SEC13: variants seen among roughly 807,000 people sequenced by gnomAD.
SEC13 encodes protein SEC13 homolog.
In SEC13, 25 loss-of-function variants were observed where a neutral mutation model predicts 49.2. That is an observed-to-expected ratio of 0.51 (90% confidence interval 0.37 to 0.71). The LOEUF (loss-of-function observed/expected upper bound fraction) is 0.71. Among genes scored for constraint, SEC13 ranks in the 30% least tolerant of loss-of-function variants. The probability of loss-of-function intolerance (pLI) is 0.00; values close to 1 mark genes in which losing one functional copy is unlikely to be tolerated. For synonymous variants in SEC13, 148 were observed against 163.9 expected, an observed-to-expected ratio of 0.90 and a Z score of 0.74; for missense variants, 383 against 417.6, an observed-to-expected ratio of 0.92 and a Z score of 0.72.
chr3:10,320,890 T>C (rs1420462587), intron 1 of SEC13, 160 bp downstream of exon 1: 11 of 1,433,642 alleles, frequency 7.7e-6, no homozygotes, highest in Non-Finnish European at 1.0e-5. Flanking sequence ...CCCCTCGGAA[T>C]GGTCCGCAAG....
In SEC13 at chr3:10,301,308, C is replaced by T. The variant is rs923774697; in HGVS notation, c.922G>A (p.Gly308Ser). 2 of 1,614,176 alleles carry T rather than the reference C, an allele frequency of 1.2e-6. No homozygotes were observed. The highest frequency in any genetic ancestry group is 2.2e-5 in the South Asian group (2 of 91,078). The change falls in exon 9 of 9, where the codon GGC (glycine) becomes AGC (serine). Residue 308 changes from glycine (G) to serine (S), a missense_variant. Transcript: ENST00000350697. The part of the protein sequence containing the change: ...VCISDVNKGQ[G>S]SVSASVTEGQ... The stretch of plus-strand genomic sequence containing the variant: ...TCTGTCACTGATGCTGATACGGAGC[C>T]CTGGCCCTTGTTGACATCACTGATG...
At chr3:10,307,802 C>T (rs1700983275) in intron 5 of SEC13, among the ~76,000 whole-genome samples, 1 of 152,168 alleles carries the variant, frequency 6.6e-6, no homozygotes, top group Admixed American at 6.5e-5. Flanking sequence ...CTCCTGAGCT[C>T]AGGTGATCCG....
In SEC13 at chr3:10,305,600, C is replaced by A. The variant is rs1700821960; in HGVS notation, c.543G>T (p.Arg181Ser). The change falls in exon 6 of 9, where the codon AGG becomes AGT. Residue 181 changes from arginine (R) to serine (S), a missense_variant. Coordinates refer to ENST00000350697, the MANE Select transcript of SEC13 (RefSeq NM_183352.3). ...GGTTGTCACAGCCACCTGATGCAAA[C>A]CTCTTGATGTAATTGGGTTTCTGCC... The part of the protein sequence containing the change: ...PSGQKPNYIK[R>S]FASGGCDNLI... 1.9e-6 allele frequency: 3 copies of A among 1,614,020 alleles called. No homozygotes were observed. The highest frequency in any genetic ancestry group is 2.5e-6 in the Non-Finnish European group (3 of 1,180,030).
rs534559322 is a variant in SEC13 at position 10,301,458 on chromosome 3, A to G, written c.856-84T>C. The G allele has an allele frequency of 1.9e-6, 3 of 1,556,190 alleles. No homozygotes were observed. The South Asian group carries it at 3.4e-5, about 18-fold the overall frequency. On this transcript the variant is annotated intron_variant, in intron 8 of 8. Transcript: ENST00000350697. The stretch of plus-strand genomic sequence containing the variant: ...CTAAATATGAGCCTCATCCTCATCA[A>G]GAACCACTGCCCAGAGGCTTGTGGG...
chr3:10,315,549 T>C (rs1701553592), intron 2 of SEC13, 113 bp from the exon 3 acceptor site: 1 of 662,236 alleles, frequency 1.5e-6, no homozygotes. Flanking sequence ...GAAATCAATC[T>C]GATCTCAAAG....
Position 10,305,133 on chromosome 3 carries a change from T to C in SEC13, c.608A>G (p.Lys203Arg). ...LWKEEEDGQW[K>R]EEQKLEAHSD... ...GTGCGCTTCTAGCTTCTGCTCCTCC[T>C]TCCACTGGCCGTCCTCCTCCTCCCT... is the stretch of plus-strand genomic sequence containing the variant. Residue 203 changes from lysine to arginine, a missense_variant, in exon 7 of 9, where the codon AAG (lysine) becomes AGG (arginine). Physicochemically the swap from Lys to Arg is conservative, Grantham distance 26 (BLOSUM62 2). Coordinates refer to ENST00000350697, the MANE Select transcript of SEC13 (RefSeq NM_183352.3). 2 of 1,613,540 alleles carry C rather than the reference T, an allele frequency of 1.2e-6. No individual in the cohort carries two copies. Among genetic ancestry groups the C allele is most frequent in the Non-Finnish European group, 1.7e-6 (2 of 1,179,680 alleles).
chr3:10,308,628 TTTTC>T (rs1390986388), intron 5 of SEC13, among the ~76,000 whole-genome samples: 1 of 152,102 alleles, frequency 6.6e-6, no homozygotes, highest in African/African-American at 2.4e-5. Flanking sequence ...TGTTATTCTT[TTTTC>T]TTCTGCACCA....
intron 3 of SEC13, among the ~76,000 whole-genome samples, chr3:10,314,681 G>A (rs1223445709): frequency 1.3e-5 from 2 of 152,238 alleles, no homozygotes; most frequent in Admixed American, 1.3e-4. Flanking sequence ...CTGAGGGAAA[G>A]CAGTAGAGAT....
At position 10,315,353 on chromosome 3, in the gene SEC13, A is replaced by G. The variant is rs1192197895; in HGVS notation, c.132T>C (p.Asn44=). 1 of 1,613,854 alleles carries G rather than the reference A, an allele frequency of 6.2e-7. No homozygotes were observed. The highest frequency in any genetic ancestry group is 8.5e-7 in the Non-Finnish European group (1 of 1,179,924). Residue 44 remains asparagine (N), a synonymous_variant, in exon 3 of 9, where the codon AAT becomes AAC. Coordinates refer to ENST00000350697, the MANE Select transcript of SEC13 (RefSeq NM_183352.3). ...GGTCGGCGATAAGGATCTGCCCTCC[A>G]TTGCGCACATCAAAGATTTTGACGG... ...DRSVKIFDVR[N]GGQILIADLR... is the part of the protein sequence containing the mutation.
At chr3:10,313,187 T>C (rs76589935) in intron 3 of SEC13, 4,834 of 220,396 alleles carry the variant, frequency 0.022, 219 homozygotes, top group African/African-American at 0.094. Flanking sequence ...CCACTACTCT[T>C]TTAATTTGTT....
At chr3:10,320,910 A>T in intron 1 of SEC13, 140 bp downstream of exon 1, 1 of 1,478,422 alleles carries the variant, frequency 6.8e-7, no homozygotes, top group Non-Finnish European at 9.0e-7. Context: ...GGACGGGGCC[A>T]GAGCCCCCCA....
chr3:10,319,809 GGGGGGGGA>G (rs1559503291), intron 1 of SEC13, among the ~76,000 whole-genome samples: 2 of 48,536 alleles, frequency 4.1e-5, no homozygotes, highest in Non-Finnish European at 9.1e-5. Flanking sequence ...CGGGGGGGGG[GGGGGGGGA>G]GGAAAGAGGG....
chr3:10,311,694 C>T (rs1701266850), intron 5 of SEC13: 1 of 1,334,918 alleles, frequency 7.5e-7, no homozygotes, highest in South Asian at 1.6e-5. Flanking sequence ...CTGGAGGCAA[C>T]CATAGCTAAG....
chr3:10,316,043 A>G (rs889654865), intron 2 of SEC13, among the ~76,000 whole-genome samples: 2 of 152,136 alleles, frequency 1.3e-5, no homozygotes, highest in Admixed American at 6.5e-5. Context: ...GTGTGCCCAG[A>G]GCTTCCCAGA....
At chr3:10,305,974 T>C (rs1319618448) in intron 5 of SEC13, 1 of 270,326 alleles carries the variant, frequency 3.7e-6, no homozygotes, top group Admixed American at 4.8e-5. Context: ...ACATTGGAGC[T>C]TTTTTTTAAG....
chr3:10,305,945 A>G, intron 5 of SEC13: 1 of 376,108 alleles, frequency 2.7e-6, no homozygotes, highest in Non-Finnish European at 4.8e-6. Context: ...GACATTTTCT[A>G]AACACATGAA....
At chr3:10,315,703 C>T (rs1352428116) in intron 2 of SEC13, among the ~76,000 whole-genome samples, 5 of 152,226 alleles carry the variant, frequency 3.3e-5, no homozygotes, top group Admixed American at 3.3e-4. Context: ...TCTTCCATTC[C>T]TGTTCCGCAG....
At chr3:10,318,634 G>C (rs1468852634) in intron 1 of SEC13, among the ~76,000 whole-genome samples, 2 of 152,118 alleles carry the variant, frequency 1.3e-5, no homozygotes, top group Non-Finnish European at 2.9e-5. Context: ...TATGCATAAC[G>C]GGGTTATTAC....
chr3:10,320,519 T>A, intron 1 of SEC13: 21 of 985,678 alleles, frequency 2.1e-5, no homozygotes, highest in Non-Finnish European at 2.5e-5. Context: ...CTGGGGGCCC[T>A]ACCCCGAGCA....
Sources: gnomAD v4.1 joint callset for allele counts (sites outside exome capture counted in the v4.1 genomes callset) on GRCh38, gnomAD v4.1.1 for gene constraint, MANE v1.5 for transcripts, NCBI Gene and HGNC (gene_info 2026-07-23, HGNC 2026-07-21) for gene names.